Variants in CNTNAP5 observed in about 807,000 individuals in gnomAD.
CNTNAP5 encodes the protein contactin associated protein family member 5.
A neutral mutation model predicts 150.2 loss-of-function variants in CNTNAP5; 72 were observed. The observed-to-expected ratio is 0.48, with a 90% confidence interval of 0.40 to 0.58. The LOEUF is 0.58. CNTNAP5 is among the 20% of genes least tolerant of loss of function. CNTNAP5 has a pLI of 0.00. For synonymous variants in CNTNAP5, 672 were observed against 619.8 expected (o/e 1.08, Z -1.25); for missense variants, 1,636 against 1,626.2 (o/e 1.01, Z -0.10).
intron 1 of CNTNAP5, among the ~76,000 whole-genome samples, chr2:124,125,124 G>C (rs1232438176): frequency 2.0e-5 from 3 of 152,132 alleles, no homozygotes; most frequent in Non-Finnish European, 1.5e-5. Flanking sequence ...TGGCAAAATG[G>C]ATAAAGAGTC....
At chr2:124,185,380 T>C (rs887284693) in intron 1 of CNTNAP5, among the ~76,000 whole-genome samples, 2 of 152,206 alleles carry the variant, frequency 1.3e-5, no homozygotes, top group Non-Finnish European at 2.9e-5. Flanking sequence ...ACTTCTGTAG[T>C]ATCTTAGTAT....
chr2:124,400,688 T>TTG (rs1691397139), intron 3 of CNTNAP5, among the ~76,000 whole-genome samples: 1 of 147,868 alleles, frequency 6.8e-6, no homozygotes, highest in African/African-American at 2.5e-5. Flanking sequence ...TTTTTTTTTT[T>TTG]GTTTTTTTTC....
At chr2:124,462,942 C>T (rs1049718426) in intron 6 of CNTNAP5, among the ~76,000 whole-genome samples, 1 of 152,196 alleles carries the variant, frequency 6.6e-6, no homozygotes, top group Non-Finnish European at 1.5e-5. Context: ...GGGACGAGAA[C>T]GGTGAAGACC....
intron 22 of CNTNAP5, among the ~76,000 whole-genome samples, chr2:124,903,752 C>T (rs747470980): frequency 3.3e-5 from 5 of 152,020 alleles, no homozygotes; most frequent in Non-Finnish European, 7.4e-5. Flanking sequence ...TCATGCTGTA[C>T]ATTAGTTCAC....
intron 13 of CNTNAP5, among the ~76,000 whole-genome samples, chr2:124,706,901 A>AGAAGGAGAAGAGGAAGAGGAAGAAGAAGG (rs1558743239): frequency 0.14 from 1,051 of 7,764 alleles, 176 homozygotes; most frequent in Non-Finnish European, 0.19. Flanking sequence ...GAGGAAGAAG[A>AGAAGGAGAAGAGGAAGAGGAAGAAGAAGG]AGGAGGAGGA....
intron 3 of CNTNAP5, among the ~76,000 whole-genome samples, chr2:124,360,847 C>T (rs1398918083): frequency 4.8e-5 from 6 of 124,280 alleles, no homozygotes; most frequent in South Asian, 2.7e-4. Context: ...TGAATCTGAA[C>T]GTTGGCCTGC....
intron 13 of CNTNAP5, among the ~76,000 whole-genome samples, chr2:124,685,478 C>T (rs1234001296): frequency 6.6e-6 from 1 of 152,014 alleles, no homozygotes; most frequent in African/African-American, 2.4e-5. Context: ...CCCAGCATCT[C>T]TTCATTGAAA....
At chr2:124,296,555 C>A (rs776390537) in intron 3 of CNTNAP5, among the ~76,000 whole-genome samples, 12 of 152,158 alleles carry the variant, frequency 7.9e-5, no homozygotes, top group Non-Finnish European at 1.8e-4. Flanking sequence ...TGTCCCTCCA[C>A]TCATTGGTGG....
At position 124,025,664 on chromosome 2, in the gene CNTNAP5, C is replaced by A. The variant is rs1680863804; in HGVS notation, c.14C>A (p.Pro5Gln). The change falls in exon 1 of 24, where the codon CCA becomes CAA. Residue 5 changes from proline to glutamine, a missense_variant. Coordinates refer to ENST00000682447, the MANE Select transcript of CNTNAP5 (RefSeq NM_001367498.1). ...CACTCGGGGGAAATGGATTCTTTAC[C>A]ACGGCTGACCAGCGTTTTGACTTTG... MDSL[P>Q]RLTSVLTLLF... 2 of 1,613,796 alleles carry A rather than the reference C, an allele frequency of 1.2e-6. No individual in the cohort carries two copies. The highest frequency in any genetic ancestry group is 1.7e-6 in the Non-Finnish European group (2 of 1,179,874).
intron 13 of CNTNAP5, among the ~76,000 whole-genome samples, chr2:124,700,173 A>G (rs891377978): frequency 1.3e-5 from 2 of 152,130 alleles, no homozygotes; most frequent in African/African-American, 4.8e-5. Context: ...TGATTTGTCC[A>G]TGTTGTAGTA....
chr2:124,620,496 A>T (rs1677588582), intron 12 of CNTNAP5, among the ~76,000 whole-genome samples: 1 of 152,076 alleles, frequency 6.6e-6, no homozygotes, highest in African/African-American at 2.4e-5. Context: ...CATAGAAATG[A>T]CTAATGGGTA....
chr2:124,508,765 G>T (rs1318646201), intron 8 of CNTNAP5, among the ~76,000 whole-genome samples: 1 of 152,160 alleles, frequency 6.6e-6, no homozygotes, highest in Non-Finnish European at 1.5e-5. Flanking sequence ...TGGAAAATTT[G>T]AACTTAATGT....
At chr2:124,728,328 A>G (rs1020117628) in intron 13 of CNTNAP5, among the ~76,000 whole-genome samples, 4 of 152,076 alleles carry the variant, frequency 2.6e-5, no homozygotes, top group Non-Finnish European at 5.9e-5. Flanking sequence ...CTTGCTCTTC[A>G]ATTTACGGAA....
chr2:124,180,147 G>T (rs1685176212), intron 1 of CNTNAP5, among the ~76,000 whole-genome samples: 2 of 152,110 alleles, frequency 1.3e-5, no homozygotes, highest in South Asian at 2.1e-4. Context: ...TACAAACAAT[G>T]CATGAACATG....
intron 17 of CNTNAP5, among the ~76,000 whole-genome samples, chr2:124,788,627 G>A (rs1681651145): frequency 7.1e-6 from 1 of 141,248 alleles, no homozygotes; most frequent in Non-Finnish European, 1.5e-5. Flanking sequence ...TTGAGACAGA[G>A]TCTCGCCCTG....
chr2:124,186,628 A>G (rs1232776675), intron 1 of CNTNAP5, among the ~76,000 whole-genome samples: 14 of 152,156 alleles, frequency 9.2e-5, no homozygotes, highest in African/African-American at 2.9e-4. Flanking sequence ...AAGTGTTCCA[A>G]CCTGAGGGCG....
At chr2:124,819,298 C>T (rs570929048) in intron 19 of CNTNAP5, among the ~76,000 whole-genome samples, 151 of 152,170 alleles carry the variant, frequency 9.9e-4, no homozygotes, top group African/African-American at 3.4e-3. Flanking sequence ...ATTCAGTTGA[C>T]TGAATGATTG....
At chr2:124,064,513 T>C (rs535482270) in intron 1 of CNTNAP5, among the ~76,000 whole-genome samples, 40 of 152,302 alleles carry the variant, frequency 2.6e-4, no homozygotes, top group South Asian at 2.1e-3. Flanking sequence ...CCTGGATCAC[T>C]ATTGTGGATT....
At chr2:124,307,661 T>A (rs1688725310) in intron 3 of CNTNAP5, among the ~76,000 whole-genome samples, 1 of 152,214 alleles carries the variant, frequency 6.6e-6, no homozygotes, top group African/African-American at 2.4e-5. Flanking sequence ...GACAAGTTCT[T>A]GCTTTGGGGG....
Sources: allele counts gnomAD v4.1 joint callset (sites outside exome capture counted in the v4.1 genomes callset), GRCh38; gene constraint gnomAD v4.1.1; transcripts MANE v1.5; gene names NCBI Gene and HGNC (gene_info 2026-07-23, HGNC 2026-07-21).